Variants in TSPAN32 observed in about 807,000 individuals in gnomAD.
TSPAN32 encodes the protein tetraspanin-32.
In TSPAN32, 47 loss-of-function variants were observed where a neutral mutation model predicts 42.7. The ratio of observed to expected loss-of-function variants is 1.10; its 90% CI spans 0.87 to 1.40. The LOEUF (loss-of-function observed/expected upper bound fraction) is 1.40, where lower values mean the gene tolerates loss of function less well. TSPAN32 is among the 40% of genes most tolerant of loss of function. The pLI is 0.00. For synonymous variants in TSPAN32, 175 were observed against 175.9 expected, an observed-to-expected ratio of 0.99 and a Z score of 0.04; for missense variants, 469 against 424.1, an observed-to-expected ratio of 1.11 and a Z score of -0.93.
chr11:2,313,684 C>A lies in TSPAN32; in HGVS notation c.385C>A (p.Leu129Met), dbSNP rs755576262. 6.2e-7 allele frequency: 1 copy of A among 1,609,016 alleles called. No homozygotes were observed. Among genetic ancestry groups the A allele is most frequent in the Non-Finnish European group, 8.5e-7 (1 of 1,178,324 alleles). The change falls in exon 5 of 10, where the codon CTG (leucine) becomes ATG (methionine). Residue 129 changes from leucine to methionine, a missense_variant. Physicochemically the swap from Leu to Met is conservative, Grantham distance 15 (BLOSUM62 2). Coordinates refer to ENST00000182290, the MANE Select transcript of TSPAN32 (RefSeq NM_139022.3). The surrounding 1 kb of genome is among the most constrained non-coding windows in gnomAD (Gnocchi z 9.1). ...VEDAMLDTYDLVYEQAMKGTS... is the reference protein window; with the variant it reads ...VEDAMLDTYDMVYEQAMKGTS... ...GGACGCCATGCTGGACACCTACGAC[C>A]TGGTATATGAGCAGGCGATGAAAGG... is the stretch of plus-strand genomic sequence containing the variant.
chr11:2,318,167 G>A lies in TSPAN32; in HGVS notation c.*243G>A, dbSNP rs1848908390. 4.0e-6 allele frequency: 2 copies of A among 503,104 alleles called. No homozygotes were observed. The highest frequency in any genetic ancestry group is 6.9e-6 in the Non-Finnish European group (2 of 287,930). The allele number at this position is 503,104 out of a possible 1,614,324, so 31.2% of individuals were successfully genotyped here. On this transcript the variant is annotated 3_prime_UTR_variant, in exon 10 of 10. Transcript: ENST00000182290. The surrounding 1 kb of genome is among the most constrained non-coding windows in gnomAD (Gnocchi z 4.2). ...ACCATTGTTAAGTGTATGGTTTGTG[G>A]CATTAAATACATTCACATTGTTGTG...
chr11:2,308,822 C>T lies in TSPAN32; in HGVS notation c.354+12C>T, dbSNP rs993125537. Reference sequence around the variant, plus strand: ...ACAGCCCCACCCAGGTGAGCACCAGCTGCCCCTACCCTGCAGTGGAGGGTC... The same window carrying T: ...ACAGCCCCACCCAGGTGAGCACCAGTTGCCCCTACCCTGCAGTGGAGGGTC... On this transcript the variant is annotated intron_variant, in intron 4 of 9. Coordinates refer to ENST00000182290, the MANE Select transcript of TSPAN32 (RefSeq NM_139022.3). The T allele has an allele frequency of 3.2e-6, 5 of 1,550,740 alleles. No individual in the cohort carries two copies. Among genetic ancestry groups the T allele is most frequent in the Non-Finnish European group, 4.4e-6 (5 of 1,143,128 alleles).
chr11:2,306,192 A>G (rs1388014376), intron 3 of TSPAN32, among the ~76,000 whole-genome samples: 1 of 152,108 alleles, frequency 6.6e-6, no homozygotes, highest in Non-Finnish European at 1.5e-5. Context: ...GGGCTAGGGA[A>G]GGGGAGCAGG....
At chr11:2,309,488 C>A in intron 4 of TSPAN32, 1 of 405,144 alleles carries the variant, frequency 2.5e-6, no homozygotes, top group Non-Finnish European at 5.2e-6. Flanking sequence ...CCAGCCCCAC[C>A]TTCCCCTTGA....
rs1848345313 is a variant in TSPAN32 at position 2,309,578 on chromosome 11, G to A, written c.354+768G>A. 2.8e-5 allele frequency: 9 copies of A among 317,108 alleles called. 1 individual carries two copies. The highest frequency in any genetic ancestry group is 2.2e-4 in the South Asian group (9 of 41,672). The allele number at this position is 317,108 out of a possible 1,614,324, so 19.6% of individuals were successfully genotyped here. ...CGGGCAGGGTCATGGAGTGGGGCAG[G>A]AGAGCCTGGCAGGTCACAAGAGGTG... is the stretch of plus-strand genomic sequence containing the variant. On this transcript the variant is annotated intron_variant, in intron 4 of 9. Transcript: ENST00000182290.
Position 2,316,605 on chromosome 11 carries a change from G to A in TSPAN32, c.657G>A (p.Leu219=), listed in dbSNP as rs769833899. 25 of 1,559,602 alleles carry A rather than the reference G, an allele frequency of 1.6e-5. No homozygotes were observed. Among genetic ancestry groups the A allele is most frequent in the Non-Finnish European group, 1.2e-5 (14 of 1,150,534 alleles). Reference sequence around the variant, plus strand: ...CCGCCTTGCTCTTCAGCTCCTTCCTGTGGTTTGCCATCCGCTGTGGCTGCA... The same window carrying A: ...CCGCCTTGCTCTTCAGCTCCTTCCTATGGTTTGCCATCCGCTGTGGCTGCA... ...TVSALLFSSF[L]WFAIRCGCSL... The change falls in exon 8 of 10, where the codon CTG becomes CTA. Residue 219 remains leucine, a synonymous_variant. Transcript: ENST00000182290.
Position 2,316,211 on chromosome 11 carries a change from C to A in TSPAN32, c.544-18C>A. On this transcript the variant is annotated intron_variant, in intron 6 of 9. Coordinates refer to ENST00000182290, the MANE Select transcript of TSPAN32 (RefSeq NM_139022.3). ...AGGGCCGCTCAGGGCGGGTACCATG[C>A]CTGCTGCCCTCTCACAGGACTGCCT... The A allele has an allele frequency of 6.5e-7, 1 of 1,547,890 alleles. No individual in the cohort carries two copies. The highest frequency in any genetic ancestry group is 1.9e-5 in the Admixed American group (1 of 52,340).
Position 2,313,510 on chromosome 11 carries a change from G to A in TSPAN32, c.355-144G>A, listed in dbSNP as rs739546. On this transcript the variant is annotated intron_variant, in intron 4 of 9. Coordinates refer to ENST00000182290, the MANE Select transcript of TSPAN32 (RefSeq NM_139022.3). The surrounding 1 kb of genome is among the most constrained non-coding windows in gnomAD (Gnocchi z 9.1). ...CCCAGGGACCCAGGTTCCGCTTTGG[G>A]GAGATCCACCTGCTACAAGGAGGGC... 0.7 allele frequency: 444,859 copies of A among 631,568 alleles called. 164,735 individuals are homozygous for A. The highest frequency in any genetic ancestry group is 0.79 in the Non-Finnish European group (291,068 of 367,210). 39.1% of individuals were successfully genotyped at this position (631,568 alleles called of 1,614,324 possible).
chr11:2,317,053 C>A lies in TSPAN32; in HGVS notation c.720-291C>A, dbSNP rs1056103913. 6.6e-6 allele frequency among the ~76,000 whole-genome samples: 1 copy of A among 152,122 alleles called. No individual in the cohort carries two copies. The highest frequency in any genetic ancestry group is 1.5e-5 in the Non-Finnish European group (1 of 67,996). On this transcript the variant is annotated intron_variant, in intron 8 of 9. Coordinates refer to ENST00000182290, the MANE Select transcript of TSPAN32 (RefSeq NM_139022.3). The surrounding 1 kb of genome is among the most constrained non-coding windows in gnomAD (Gnocchi z 6.2). ...AGCCAGGCAGCTCTTCCTGCCCCCACGGAGCCTGGCCCGTCTCTGCCTGCC... is the reference window on the plus strand; with the variant it reads ...AGCCAGGCAGCTCTTCCTGCCCCCAAGGAGCCTGGCCCGTCTCTGCCTGCC...
chr11:2,306,735 G>A (rs1159849764), intron 3 of TSPAN32, among the ~76,000 whole-genome samples: 2 of 149,578 alleles, frequency 1.3e-5, no homozygotes. Flanking sequence ...GGAGGAGGAG[G>A]AGGACGAAGA....
At position 2,314,527 on chromosome 11, in the gene TSPAN32, A is replaced by C; in HGVS notation, c.499A>C (p.Ser167Arg). ...GKKSPFSRLG[S>R]TEADLCQGEE... is the part of the protein sequence containing the mutation. ...GAAGTCTCCTTTCAGCCGTCTGGGG[A>C]GCACAGAGGCTGACCTGTGTCAGGG... The change falls in exon 6 of 10, where the codon AGC becomes CGC. Residue 167 changes from serine (S) to arginine (R), a missense_variant. Ser to Arg is a moderately radical substitution (Grantham distance 110). Coordinates refer to ENST00000182290, the MANE Select transcript of TSPAN32 (RefSeq NM_139022.3). The C allele has an allele frequency of 6.2e-7, 1 of 1,612,342 alleles. No homozygotes were observed. Among genetic ancestry groups the C allele is most frequent in the Non-Finnish European group, 8.5e-7 (1 of 1,179,384 alleles).
In TSPAN32 at chr11:2,317,047, C is replaced by G. The variant is rs938922125; in HGVS notation, c.720-297C>G. Among the ~76,000 whole-genome samples the G allele has an allele frequency of 6.6e-6, 1 of 152,082 alleles. No homozygotes were observed. Among genetic ancestry groups the G allele is most frequent in the Non-Finnish European group, 1.5e-5 (1 of 67,990 alleles). On this transcript the variant is annotated intron_variant, in intron 8 of 9. Transcript: ENST00000182290. The surrounding 1 kb of genome is among the most constrained non-coding windows in gnomAD (Gnocchi z 6.2). ...ACCCACAGCCAGGCAGCTCTTCCTG[C>G]CCCCACGGAGCCTGGCCCGTCTCTG... is the stretch of plus-strand genomic sequence containing the variant.
intron 4 of TSPAN32, among the ~76,000 whole-genome samples, chr11:2,311,696 C>T (rs1848469214): frequency 6.6e-6 from 1 of 152,238 alleles, no homozygotes; most frequent in Admixed American, 6.5e-5. Context: ...TCGCCAAGCC[C>T]AGGCAGACAC....
intron 6 of TSPAN32, chr11:2,315,879 C>T (rs1214778297): frequency 7.7e-6 from 11 of 1,422,756 alleles, no homozygotes; most frequent in South Asian, 1.2e-5. Context: ...GTGCTGTGCC[C>T]GGCCCTGGGC....
chr11:2,318,122 A>T lies in TSPAN32; in HGVS notation c.*198A>T. 1 of 554,338 alleles carries T rather than the reference A, an allele frequency of 1.8e-6. No homozygotes were observed. Among genetic ancestry groups the T allele is most frequent in the South Asian group, 2.5e-5 (1 of 40,582 alleles). The allele number at this position is 554,338 out of a possible 1,614,324, so 34.3% of individuals were successfully genotyped here. On this transcript the variant is annotated 3_prime_UTR_variant, in exon 10 of 10. Coordinates refer to ENST00000182290, the MANE Select transcript of TSPAN32 (RefSeq NM_139022.3). The surrounding 1 kb of genome is among the most constrained non-coding windows in gnomAD (Gnocchi z 4.2). ...AGCAAATTGTGGTCAAATATACATC[A>T]CATCAAATTTACCATCTTAACCATT...
rs546595147 is a variant in TSPAN32 at position 2,313,061 on chromosome 11, C to G, written c.355-593C>G. Among the ~76,000 whole-genome samples the G allele has an allele frequency of 6.6e-6, 1 of 152,300 alleles. No individual in the cohort carries two copies. Among genetic ancestry groups the G allele is most frequent in the Admixed American group, 6.5e-5 (1 of 15,302 alleles). On this transcript the variant is annotated intron_variant, in intron 4 of 9. Coordinates refer to ENST00000182290, the MANE Select transcript of TSPAN32 (RefSeq NM_139022.3). This position sits in a 1 kb window ranked among gnomAD's most constrained non-coding sequence, Gnocchi z 9.1. ...AGCGCAGGCAGCACATCCAGCCAGG[C>G]CCCGTCACCTTCCACCTTCTTCACC...
rs369696526 is a variant in TSPAN32, at chr11:2,302,893, C to T, written c.116C>T (p.Ala39Val). 1.9e-6 allele frequency: 3 copies of T among 1,613,682 alleles called. No homozygotes were observed. The highest frequency in any genetic ancestry group is 1.3e-5 in the African/African-American group (1 of 75,052). ...ATMVTLTYFG[A>V]HFAVIRRASL... Reference sequence around the variant, plus strand: ...ATGGTGACTCTTACCTACTTCGGGGCCCACTTTGCTGTCATCCGCCGAGCG... The same window carrying T: ...ATGGTGACTCTTACCTACTTCGGGGTCCACTTTGCTGTCATCCGCCGAGCG... Residue 39 changes from alanine (A) to valine (V), a missense_variant, in exon 2 of 10, where the codon GCC becomes GTC. Physicochemically the swap from Ala to Val is moderately conservative, Grantham distance 64. Coordinates refer to ENST00000182290, the MANE Select transcript of TSPAN32 (RefSeq NM_139022.3).
intron 3 of TSPAN32, among the ~76,000 whole-genome samples, chr11:2,307,664 A>G (rs1848199079): frequency 6.6e-6 from 1 of 152,160 alleles, no homozygotes; most frequent in South Asian, 2.1e-4. Flanking sequence ...TAGCTTCCGC[A>G]AGGGGGCTCT....
intron 4 of TSPAN32, among the ~76,000 whole-genome samples, chr11:2,311,332 G>T (rs371321642): frequency 6.6e-6 from 1 of 152,202 alleles, no homozygotes; most frequent in Non-Finnish European, 1.5e-5. Context: ...GGCAGGAGGC[G>T]TGGACCGGGC....
Sources: gnomAD v4.1 joint callset for allele counts (sites outside exome capture counted in the v4.1 genomes callset) on GRCh38, gnomAD v4.1.1 for gene constraint, Gnocchi (gnomAD v3.1) non-coding constraint, MANE v1.5 for transcripts, NCBI Gene and HGNC (gene_info 2026-07-23, HGNC 2026-07-21) for gene names.